WDFY3: variants seen among roughly 807,000 people sequenced by gnomAD.
WDFY3 encodes WD repeat and FYVE domain-containing protein 3.
A neutral mutation model predicts 409.6 loss-of-function variants in WDFY3; 66 were observed. That is an observed-to-expected ratio of 0.16 (90% CI 0.13 to 0.20). The LOEUF is 0.20. WDFY3 is among the 10% of genes least tolerant of loss of function. WDFY3 has a pLI of 1.00. For missense variants in WDFY3, 3,031 were observed against 4,298.1 expected (o/e 0.71, Z 8.24); for synonymous variants, 1,521 against 1,537.1 (o/e 0.99, Z 0.25).
chr4:84,826,495 C>T (rs1023898883), intron 10 of WDFY3, among the ~76,000 whole-genome samples: 1 of 151,936 alleles, frequency 6.6e-6, no homozygotes, highest in Non-Finnish European at 1.5e-5. Context: ...GTTCTATCCA[C>T]GTAAAGTAGA....
chr4:84,852,719 T>C (rs777633285), intron 4 of WDFY3, among the ~76,000 whole-genome samples: 2 of 152,278 alleles, frequency 1.3e-5, no homozygotes, highest in Middle Eastern at 3.4e-3. Flanking sequence ...AATTAACCTA[T>C]ACTACTTGTT....
intron 3 of WDFY3, among the ~76,000 whole-genome samples, chr4:84,870,509 G>A (rs1264638500): frequency 6.6e-6 from 1 of 152,130 alleles, no homozygotes; most frequent in African/African-American, 2.4e-5. Flanking sequence ...AACTTTCCAG[G>A]GTTGCAATCA....
At chr4:84,946,212 A>G (rs1323450917) in intron 1 of WDFY3, among the ~76,000 whole-genome samples, 2 of 152,226 alleles carry the variant, frequency 1.3e-5, no homozygotes, top group Non-Finnish European at 2.9e-5. Flanking sequence ...TAACAGAAAT[A>G]TGTAATCTGA....
chr4:84,801,540 C>T, intron 17 of WDFY3, 110 bp downstream of exon 17: 2 of 1,127,928 alleles, frequency 1.8e-6, no homozygotes, highest in Non-Finnish European at 2.4e-6. Flanking sequence ...TTATATTTTG[C>T]CCATAGATAA....
At chr4:84,824,609 T>G (rs2149852216) in intron 10 of WDFY3, among the ~76,000 whole-genome samples, 1 of 152,292 alleles carries the variant, frequency 6.6e-6, no homozygotes, top group African/African-American at 2.4e-5. Flanking sequence ...GAGGACTGAC[T>G]GCAAGGAGAA....
chr4:84,703,658 T>C (rs1483330638), intron 55 of WDFY3, among the ~76,000 whole-genome samples: 2 of 152,190 alleles, frequency 1.3e-5, no homozygotes, highest in East Asian at 1.9e-4. Flanking sequence ...TCTCCAGATG[T>C]CTGCAGAAGC....
At chr4:84,960,475 T>C (rs972659733) in intron 1 of WDFY3, among the ~76,000 whole-genome samples, 1 of 152,236 alleles carries the variant, frequency 6.6e-6, no homozygotes, top group African/African-American at 2.4e-5. Context: ...AAGACATTCG[T>C]GTATGTATAC....
chr4:84,776,600 T>C (rs543702296), intron 27 of WDFY3, among the ~76,000 whole-genome samples: 4 of 152,194 alleles, frequency 2.6e-5, no homozygotes, highest in South Asian at 4.1e-4. Flanking sequence ...CTGTCTACCA[T>C]CTCTGGGCTT....
intron 24 of WDFY3, among the ~76,000 whole-genome samples, chr4:84,784,887 T>TACACAC (rs1191175705): frequency 2.1e-4 from 13 of 62,358 alleles, no homozygotes; most frequent in African/African-American, 6.8e-4. Flanking sequence ...TATATATATA[T>TACACAC]ATATACACAC....
chr4:84,944,647 A>G (rs1297924063), intron 1 of WDFY3, among the ~76,000 whole-genome samples: 1 of 150,712 alleles, frequency 6.6e-6, no homozygotes, highest in Admixed American at 6.6e-5. Flanking sequence ...AACATGGTGA[A>G]ACAACGTCTC....
At chr4:84,947,710 C>CAAAAAAAAAA in intron 1 of WDFY3, among the ~76,000 whole-genome samples, 1 of 77,474 alleles carries the variant, frequency 1.3e-5, no homozygotes, top group Non-Finnish European at 2.7e-5. Flanking sequence ...CCACATCTAC[C>CAAAAAAAAAA]AAAAAAAAAA....
intron 2 of WDFY3, among the ~76,000 whole-genome samples, chr4:84,904,515 T>A (rs952339848): frequency 6.6e-6 from 1 of 152,180 alleles, no homozygotes; most frequent in Non-Finnish European, 1.5e-5. Flanking sequence ...TCTCATCTAT[T>A]ACAGTACCAT....
rs778743736 is a variant in WDFY3 at position 84,721,477 on chromosome 4, T to C, written c.7537A>G (p.Ser2513Gly). 6.2e-7 allele frequency: 1 copy of C among 1,613,442 alleles called. No homozygotes were observed. The highest frequency in any genetic ancestry group is 8.5e-7 in the Non-Finnish European group (1 of 1,180,038). ...EQLQDQIAEG[S>G]SIEEEEKTDN... is the part of the protein sequence containing the mutation. ...GTTTTCTCCTCCTCTTCTATGGAGC[T>C]GCCCTCAGCAATCTGGTCTTGTAGC... The change falls in exon 47 of 68, where the codon AGC becomes GGC. Residue 2513 changes from serine (S) to glycine (G), a missense_variant. Ser to Gly is a moderately conservative substitution (Grantham distance 56). Around this residue, in one of 16 missense-constraint regions of WDFY3, gnomAD observed 127 missense variants for 144.4 expected, o/e 0.88. Transcript: ENST00000295888.
chr4:84,771,720 T>C (rs1470701810), intron 30 of WDFY3, among the ~76,000 whole-genome samples: 1 of 152,210 alleles, frequency 6.6e-6, no homozygotes, highest in African/African-American at 2.4e-5. Flanking sequence ...ACCTATTTCA[T>C]ATGGTTATTA....
intron 3 of WDFY3, among the ~76,000 whole-genome samples, chr4:84,870,838 A>G (rs948170226): frequency 2.6e-5 from 4 of 152,014 alleles, no homozygotes; most frequent in African/African-American, 9.7e-5. Flanking sequence ...TAATAAGATT[A>G]TAAAACATTT....
intron 22 of WDFY3, among the ~76,000 whole-genome samples, chr4:84,788,396 C>T (rs569486354): frequency 1.3e-5 from 2 of 152,236 alleles, no homozygotes; most frequent in South Asian, 2.1e-4. Context: ...TGACTATTGA[C>T]AGGGACAGTG....
At chr4:84,830,071 G>A (rs1427464063) in intron 8 of WDFY3, among the ~76,000 whole-genome samples, 1 of 152,080 alleles carries the variant, frequency 6.6e-6, no homozygotes, top group African/African-American at 2.4e-5. Context: ...AGATTTAACA[G>A]AGGAATGGGA....
At chr4:84,874,139 C>T (rs371963068) in intron 3 of WDFY3, among the ~76,000 whole-genome samples, 1 of 151,602 alleles carries the variant, frequency 6.6e-6, no homozygotes, top group Non-Finnish European at 1.5e-5. Context: ...AGAGACCGGG[C>T]GAGGTGGCTC....
intron 48 of WDFY3, among the ~76,000 whole-genome samples, chr4:84,717,557 G>C (rs1000145125): frequency 7.2e-5 from 11 of 152,172 alleles, no homozygotes; most frequent in African/African-American, 2.7e-4. Context: ...GTTAAAGGAA[G>C]AGAAGCAGCC....
Sources: allele counts gnomAD v4.1 joint callset (sites outside exome capture counted in the v4.1 genomes callset), GRCh38; gene constraint gnomAD v4.1.1; regional missense constraint gnomAD v4.1.1; transcripts MANE v1.5; gene names NCBI Gene and HGNC (gene_info 2026-07-23, HGNC 2026-07-21).